AK9: variants seen among roughly 807,000 people sequenced by gnomAD.
AK9 encodes the protein adenylate kinase domain containing 1.
In AK9, 191 loss-of-function variants were observed where a neutral mutation model predicts 239.6. The ratio of observed to expected loss-of-function variants is 0.80; its 90% confidence interval spans 0.71 to 0.90. The LOEUF (loss-of-function observed/expected upper bound fraction) is 0.90. Ranked by LOEUF, AK9 falls within the 40% of genes least tolerant of loss-of-function variation. The probability of loss-of-function intolerance (pLI) is 0.00; values close to 1 mark genes in which losing one functional copy is unlikely to be tolerated. For synonymous variants in AK9, 689 were observed against 721.0 expected, an observed-to-expected ratio of 0.96 and a Z score of 0.71; for missense variants, 1,995 against 2,214.7, an observed-to-expected ratio of 0.90 and a Z score of 1.99.
Position 109,573,559 on chromosome 6 carries a change from TCTC to T in AK9, c.2224_2226del (p.Glu742del). The T allele has an allele frequency of 6.4e-7, 1 of 1,550,866 alleles. No individual in the cohort carries two copies. The highest frequency in any genetic ancestry group is 2.4e-5 in the East Asian group (1 of 40,898). Reference sequence around the variant, plus strand: ...TGAACTTCCAACTCATCACCTTCAATCTCCTCTTCATCCTCATTATCAGTCTCT... The same window carrying T: ...TGAACTTCCAACTCATCACCTTCAATCTCTTCATCCTCATTATCAGTCTCT... On this transcript the variant is annotated inframe_deletion, in exon 21 of 41. Transcript: ENST00000424296.
intron 15 of AK9, among the ~76,000 whole-genome samples, chr6:109,613,177 G>C (rs1466205661): frequency 6.6e-6 from 1 of 151,138 alleles, no homozygotes; most frequent in African/African-American, 2.4e-5. Context: ...GCAACAAAGA[G>C]AAAATAATGA....
At chr6:109,500,810 G>C (rs536392435) in intron 35 of AK9, among the ~76,000 whole-genome samples, 1 of 152,126 alleles carries the variant, frequency 6.6e-6, no homozygotes, top group Non-Finnish European at 1.5e-5. Context: ...TTGAGTCCAG[G>C]AGTTTAAGAC....
At chr6:109,669,894 C>T (rs1027167198) in intron 5 of AK9, among the ~76,000 whole-genome samples, 4 of 152,132 alleles carry the variant, frequency 2.6e-5, no homozygotes, top group African/African-American at 9.7e-5. Flanking sequence ...TAAATGAGCT[C>T]GTTTGTGCAT....
At chr6:109,677,328 C>T (rs901448535) in intron 1 of AK9, among the ~76,000 whole-genome samples, 1 of 152,008 alleles carries the variant, frequency 6.6e-6, no homozygotes, top group Non-Finnish European at 1.5e-5. Flanking sequence ...ACAACAAAAA[C>T]TCATAATTGC....
In AK9 at chr6:109,644,396, C is replaced by T. The variant is rs996584859; in HGVS notation, c.834+218G>A. The T allele has an allele frequency of 2.0e-4, 80 of 402,568 alleles. 1 individual carries two copies. Among genetic ancestry groups the T allele is most frequent in the Admixed American group, 1.2e-3 (26 of 22,436 alleles). The allele number at this position is 402,568 out of a possible 1,614,324, so 24.9% of individuals were successfully genotyped here. A position where few individuals can be genotyped will look rare whatever the true frequency, so the allele number is the denominator to read the frequency against. On this transcript the variant is annotated intron_variant, in intron 9 of 40. Coordinates refer to ENST00000424296, the MANE Select transcript of AK9 (RefSeq NM_001145128.3). ...CCATTGCTTTTACTTTTCTTTGAGACGCCTTTTGAAAGAGATTTTAAATTC... is the reference window on the plus strand; with the variant it reads ...CCATTGCTTTTACTTTTCTTTGAGATGCCTTTTGAAAGAGATTTTAAATTC...
In AK9 at chr6:109,599,691, T is replaced by G. The variant is rs368877979; in HGVS notation, c.1842+10674A>C. Among the ~76,000 whole-genome samples, 95 of 152,342 alleles carry G rather than the reference T, an allele frequency of 6.2e-4. 1 individual carries two copies. In the East Asian group the frequency reaches 0.012, roughly 19 times the overall value. ...AGTATGGCCATTTTCACGATATTGA[T>G]TCTTCCTATCCATGAGCATGGAATG... is the stretch of plus-strand genomic sequence containing the variant. On this transcript the variant is annotated intron_variant, in intron 17 of 40. Transcript: ENST00000424296.
intron 17 of AK9, among the ~76,000 whole-genome samples, chr6:109,587,691 T>C (rs1789691551): frequency 6.6e-6 from 1 of 152,226 alleles, no homozygotes; most frequent in East Asian, 1.9e-4. Context: ...ATTTCATTCT[T>C]CACTAATGAA....
At chr6:109,653,999 G>A (rs1479157101) in intron 8 of AK9, among the ~76,000 whole-genome samples, 1 of 91,844 alleles carries the variant, frequency 1.1e-5, no homozygotes, top group African/African-American at 3.0e-5. Context: ...AGGGATGGCT[G>A]AGAAGACCCA....
rs1183765456 is a variant in AK9, at chr6:109,529,093, TA to T, written c.3571-21del. On this transcript the variant is annotated intron_variant, in intron 28 of 40. Coordinates refer to ENST00000424296, the MANE Select transcript of AK9 (RefSeq NM_001145128.3). ...ATCAACCTGTTAAAGAAAGAGACAT[TA>T]AAAAATTGTAATGGAGAATGATAAA... 1.3e-6 allele frequency: 2 copies of T among 1,539,758 alleles called. No homozygotes were observed. Among genetic ancestry groups the T allele is most frequent in the East Asian group, 2.3e-5 (1 of 44,444 alleles).
Position 109,563,621 on chromosome 6 carries a change from C to T in AK9, c.2727G>A (p.Glu909=), listed in dbSNP as rs1786061270. 6.4e-7 allele frequency: 1 copy of T among 1,551,188 alleles called. No homozygotes were observed. Among genetic ancestry groups the T allele is most frequent in the Admixed American group, 2.0e-5 (1 of 50,988 alleles). Residue 909 remains glutamate (E), a synonymous_variant, in exon 24 of 41, where the codon GAG becomes GAA. Coordinates refer to ENST00000424296, the MANE Select transcript of AK9 (RefSeq NM_001145128.3). The part of the protein sequence containing the change: ...DYQTEAEVDE[E]LEEEEEEEGE... ...CCTCTTCCTCTTCCTCTTCCTCTAG[C>T]TCCTCATCAACCTCTGCTTCAGTCT...
At chr6:109,654,741 A>G (rs1799451432) in intron 8 of AK9, among the ~76,000 whole-genome samples, 1 of 152,186 alleles carries the variant, frequency 6.6e-6, no homozygotes, top group African/African-American at 2.4e-5. Flanking sequence ...CCAGGAGTTG[A>G]GTTGGGATTC....
chr6:109,526,465 C>T (rs1780532635), intron 29 of AK9, among the ~76,000 whole-genome samples: 1 of 151,954 alleles, frequency 6.6e-6, no homozygotes, highest in Non-Finnish European at 1.5e-5. Flanking sequence ...AATTCATAGT[C>T]TCAGAGAGAC....
chr6:109,540,864 A>T (rs1463809297), intron 27 of AK9, among the ~76,000 whole-genome samples: 1 of 151,998 alleles, frequency 6.6e-6, no homozygotes, highest in Non-Finnish European at 1.5e-5. Context: ...CTGAGTTTTG[A>T]TTCCAAATTT....
At chr6:109,641,419 C>T in intron 10 of AK9, 99 bp downstream of exon 10, 1 of 811,236 alleles carries the variant, frequency 1.2e-6, no homozygotes, top group Non-Finnish European at 1.9e-6. Context: ...GACTCCTGGG[C>T]TCCAGTGATC....
At chr6:109,518,688 T>C (rs1435728930) in intron 29 of AK9, among the ~76,000 whole-genome samples, 1 of 152,016 alleles carries the variant, frequency 6.6e-6, no homozygotes, top group African/African-American at 2.4e-5. Flanking sequence ...ATATATTTAA[T>C]TACATCATAT....
intron 1 of AK9, among the ~76,000 whole-genome samples, chr6:109,679,519 G>A (rs1200456601): frequency 1.3e-5 from 2 of 152,078 alleles, no homozygotes; most frequent in Non-Finnish European, 2.9e-5. Context: ...GGGTGGCTGT[G>A]CGCACAGCTT....
At chr6:109,626,889 A>G (rs542929823) in intron 12 of AK9, among the ~76,000 whole-genome samples, 1 of 152,310 alleles carries the variant, frequency 6.6e-6, no homozygotes, top group East Asian at 1.9e-4. Flanking sequence ...ACTGTATACT[A>G]CTATAGACTT....
chr6:109,597,961 T>A (rs1375901706), intron 17 of AK9, among the ~76,000 whole-genome samples: 1 of 152,140 alleles, frequency 6.6e-6, no homozygotes, highest in Non-Finnish European at 1.5e-5. Flanking sequence ...CTTGCTTGCT[T>A]TTTGATCACA....
At chr6:109,515,826 C>G in intron 31 of AK9, 31 bp downstream of exon 31, 1 of 1,494,126 alleles carries the variant, frequency 6.7e-7, no homozygotes, top group Non-Finnish European at 9.1e-7. Context: ...AAATAAGGAA[C>G]ATGGCTTTCA....
Sources: gnomAD v4.1 joint callset for allele counts (sites outside exome capture counted in the v4.1 genomes callset) on GRCh38, gnomAD v4.1.1 for gene constraint, MANE v1.5 for transcripts, NCBI Gene and HGNC (gene_info 2026-07-23, HGNC 2026-07-21) for gene names.